The following OSBPL9 variants were observed in gnomAD, a reference collection of about 807,000 sequenced individuals.
The protein encoded by OSBPL9 is oxysterol binding protein like 9, also known as oxysterol-binding protein-related protein 9.
In OSBPL9, 40 loss-of-function variants were observed where a neutral mutation model predicts 106.6. The observed-to-expected ratio is 0.38, with a 90% CI of 0.29 to 0.49. The LOEUF (loss-of-function observed/expected upper bound fraction) is 0.49, where lower values mean the gene tolerates loss of function less well. Ranked by LOEUF, OSBPL9 falls within the 20% of genes least tolerant of loss-of-function variation. The probability of loss-of-function intolerance (pLI) is 0.97; values close to 1 mark genes in which losing one functional copy is unlikely to be tolerated. For synonymous variants in OSBPL9, 269 were observed against 295.4 expected (o/e 0.91, Z 0.92); for missense variants, 609 against 887.2 (o/e 0.69, Z 3.98).
At chr1:51,701,409 G>A (rs1019051884) in intron 3 of OSBPL9, among the ~76,000 whole-genome samples, 15 of 152,076 alleles carry the variant, frequency 9.9e-5, no homozygotes, top group African/African-American at 3.1e-4. Flanking sequence ...TGAAACCTCC[G>A]ATTGTAGTTC....
chr1:51,602,018 C>CTTTTTTGTTTTTTTTTTTTTTT (rs1645327044), intron 2 of OSBPL9, among the ~76,000 whole-genome samples: 1 of 76,406 alleles, frequency 1.3e-5, no homozygotes, highest in Non-Finnish European at 2.3e-5. Context: ...TCTTGGGGTT[C>CTTTTTTGTTTTTTTTTTTTTTT]TTTTTTTTTT....
intron 2 of OSBPL9, among the ~76,000 whole-genome samples, chr1:51,655,048 A>G (rs1646734797): frequency 6.6e-6 from 1 of 152,178 alleles, no homozygotes; most frequent in Non-Finnish European, 1.5e-5. Flanking sequence ...ATGCCACTGA[A>G]CTATACACTT....
intron 3 of OSBPL9, among the ~76,000 whole-genome samples, chr1:51,699,928 A>G (rs1557705477): frequency 6.6e-6 from 1 of 152,246 alleles, no homozygotes. Context: ...ATCGAAAACC[A>G]TGATGAGGTC....
At chr1:51,743,770 A>G (rs1290219847) in intron 4 of OSBPL9, among the ~76,000 whole-genome samples, 1 of 152,174 alleles carries the variant, frequency 6.6e-6, no homozygotes, top group East Asian at 1.9e-4. Context: ...TAACATGGAA[A>G]TAAGTTGCTC....
chr1:51,533,499 A>AAAG, the OSBPL9 span, among the ~76,000 whole-genome samples: 759 of 147,724 alleles, frequency 5.1e-3, 4 homozygotes, highest in African/African-American at 0.017. Flanking sequence ...AAAAAAAAAA[A>AAAG]AAAGAAAGAA....
chr1:51,778,784 A>G (rs565013578), intron 15 of OSBPL9, among the ~76,000 whole-genome samples: 12 of 152,326 alleles, frequency 7.9e-5, no homozygotes, highest in Middle Eastern at 6.8e-3. Context: ...TATCAAATCA[A>G]CTTGACCCAG....
intron 1 of OSBPL9, among the ~76,000 whole-genome samples, chr1:51,642,846 C>T (rs1319013905): frequency 6.6e-6 from 1 of 152,126 alleles, no homozygotes; most frequent in African/African-American, 2.4e-5. Flanking sequence ...CAGTTGAAAA[C>T]AAAAGATCTA....
At chr1:51,598,629 C>A (rs1317127254) in intron 2 of OSBPL9, among the ~76,000 whole-genome samples, 1 of 152,212 alleles carries the variant, frequency 6.6e-6, no homozygotes, top group African/African-American at 2.4e-5. Context: ...TGCCCGCGCA[C>A]ACACATATGC....
At chr1:51,523,274 A>G in the OSBPL9 span, among the ~76,000 whole-genome samples, 4 of 151,596 alleles carry the variant, frequency 2.6e-5, no homozygotes, top group Non-Finnish European at 4.4e-5. Context: ...TGTTTTATTT[A>G]TTTATTTATT....
At chr1:51,619,039 A>C (rs1644263059) in intron 1 of OSBPL9, among the ~76,000 whole-genome samples, 1 of 152,190 alleles carries the variant, frequency 6.6e-6, no homozygotes, top group African/African-American at 2.4e-5. Context: ...TCTTAAACAC[A>C]TTGTTCAAGA....
chr1:51,596,135 A>G, intron 1 of OSBPL9, among the ~76,000 whole-genome samples: 1 of 151,276 alleles, frequency 6.6e-6, no homozygotes, highest in Non-Finnish European at 1.5e-5. Context: ...GCGGGCGACT[A>G]TAATCCCAGC....
intron 3 of OSBPL9, among the ~76,000 whole-genome samples, chr1:51,711,550 G>A (rs1321607045): frequency 1.5e-5 from 2 of 133,032 alleles, no homozygotes; most frequent in African/African-American, 6.1e-5. Context: ...GTGGCTGCCG[G>A]GCGGAGATGC....
At chr1:51,712,867 C>T (rs185693167) in intron 3 of OSBPL9, among the ~76,000 whole-genome samples, 82 of 152,326 alleles carry the variant, frequency 5.4e-4, no homozygotes, top group African/African-American at 1.7e-3. Flanking sequence ...TATCTTCCTA[C>T]AGAAAAGATT....
the OSBPL9 span, among the ~76,000 whole-genome samples, chr1:51,528,634 G>A: frequency 6.6e-6 from 1 of 152,146 alleles, no homozygotes; most frequent in African/African-American, 2.4e-5. Context: ...CACTTTGGGA[G>A]GTCAAGTTGG....
chr1:51,759,230 T>C (rs1459273754), intron 9 of OSBPL9, among the ~76,000 whole-genome samples: 1 of 152,142 alleles, frequency 6.6e-6, no homozygotes, highest in Non-Finnish European at 1.5e-5. Flanking sequence ...AGAATTCCTG[T>C]GTTCAAGTCA....
intron 1 of OSBPL9, among the ~76,000 whole-genome samples, chr1:51,623,804 G>C (rs561523802): frequency 6.6e-6 from 1 of 152,260 alleles, no homozygotes; most frequent in South Asian, 2.1e-4. Flanking sequence ...AGTAGTCTCA[G>C]ATTCTCCTGG....
chr1:51,616,950 G>A, upstream of OSBPL9: 3 of 1,383,818 alleles, frequency 2.2e-6, no homozygotes, highest in South Asian at 1.4e-5. Context: ...CACAATAGGC[G>A]CCCTAAGAAA....
intron 1 of OSBPL9, among the ~76,000 whole-genome samples, chr1:51,591,841 T>C (rs115763569): frequency 1.5e-3 from 234 of 152,082 alleles, no homozygotes; most frequent in African/African-American, 5.5e-3. Context: ...ATCTCGCTAA[T>C]ATATATGCCT....
the OSBPL9 span, among the ~76,000 whole-genome samples, chr1:51,570,890 C>T: frequency 6.6e-6 from 1 of 151,992 alleles, no homozygotes; most frequent in Non-Finnish European, 1.5e-5. Flanking sequence ...GGCATAATCT[C>T]GGCTCACTGC....
Sources: gnomAD v4.1 joint callset for allele counts (sites outside exome capture counted in the v4.1 genomes callset) on GRCh38, gnomAD v4.1.1 for gene constraint, MANE v1.5 for transcripts, NCBI Gene and HGNC (gene_info 2026-07-23, HGNC 2026-07-21) for gene names.